Variants in PSG11 observed in about 807,000 individuals in gnomAD.
The protein encoded by PSG11 is pregnancy-specific beta-1-glycoprotein 11.
A neutral mutation model predicts 36.0 loss-of-function variants in PSG11; 42 were observed. The ratio of observed to expected loss-of-function variants is 1.17; its 90% CI spans 0.91 to 1.51. The LOEUF is 1.51. Among genes scored for constraint, PSG11 ranks in the 40% most tolerant of loss-of-function variants. PSG11 has a pLI of 0.00. For missense variants in PSG11, 558 were observed against 403.5 expected (o/e 1.38, Z -3.28); for synonymous variants, 206 against 153.5 (o/e 1.34, Z -2.53).
chr19:43,024,563 C>A (rs1428546610), intron 2 of PSG11, 128 bp downstream of exon 2: 1 of 1,543,056 alleles, frequency 6.5e-7, no homozygotes, highest in Non-Finnish European at 8.9e-7. Flanking sequence ...GCACTAAATG[C>A]CCAAACCCCA....
intron 2 of PSG11, among the ~76,000 whole-genome samples, chr19:43,021,272 T>C (rs904414140): frequency 5.9e-5 from 9 of 151,500 alleles, no homozygotes; most frequent in African/African-American, 2.2e-4. Flanking sequence ...AAATTTCTAT[T>C]GACACATCCT....
At chr19:43,017,099 G>C (rs1184681749) in intron 3 of PSG11, 1 of 151,412 alleles carries the variant, frequency 6.6e-6, no homozygotes, top group South Asian at 2.1e-4. Context: ...TGGGAGTGGG[G>C]AGAATCAGAA....
chr19:43,021,773 G>C (rs1253098469), intron 2 of PSG11, among the ~76,000 whole-genome samples: 1 of 151,464 alleles, frequency 6.6e-6, no homozygotes, highest in African/African-American at 2.4e-5. Context: ...TCTAGGAAGT[G>C]ATCAGAGAAT....
chr19:43,021,316 T>C (rs562108759), intron 2 of PSG11, among the ~76,000 whole-genome samples: 1 of 151,518 alleles, frequency 6.6e-6, no homozygotes, highest in African/African-American at 2.4e-5. Context: ...CTGTGTGCAG[T>C]CTACCAGTAA....
rs1319789275 is a variant in PSG11, at chr19:43,012,022, A to C, written c.965-1981T>G. 1.3e-5 allele frequency among the ~76,000 whole-genome samples: 2 copies of C among 151,432 alleles called. 1 individual carries two copies. The highest frequency in any genetic ancestry group is 1.3e-4 in the Admixed American group (2 of 15,164). On this transcript the variant is annotated intron_variant, in intron 4 of 5. Transcript: ENST00000320078. Reference sequence around the variant, plus strand: ...ATTGGATAACCTAGATGAAATAGACAAACTCCTAGAAACACACAAAAATAT... The same window carrying C: ...ATTGGATAACCTAGATGAAATAGACCAACTCCTAGAAACACACAAAAATAT...
Position 43,024,942 on chromosome 19 carries a change from T to C in PSG11, c.179A>G (p.Gln60Arg), listed in dbSNP as rs1361437024. ...GTACCAGATGTAGCCAGTAAGATTC[T>C]GGGGCAAATTGTGGACAAGTAGAAG... ...DVLLLVHNLPQNLTGYIWYKG... is the reference protein window; with the variant it reads ...DVLLLVHNLPRNLTGYIWYKG... The change falls in exon 2 of 6, where the codon CAG becomes CGG. Residue 60 changes from glutamine to arginine, a missense_variant. Physicochemically the swap from Gln to Arg is conservative, Grantham distance 43 (BLOSUM62 1). Transcript: ENST00000320078. 2.5e-6 allele frequency: 4 copies of C among 1,611,756 alleles called. No homozygotes were observed. The highest frequency in any genetic ancestry group is 3.4e-6 in the Non-Finnish European group (4 of 1,179,088).
chr19:43,023,060 G>A (rs1332005151), intron 2 of PSG11, among the ~76,000 whole-genome samples: 43 of 150,916 alleles, frequency 2.8e-4, no homozygotes, highest in African/African-American at 1.0e-3. Flanking sequence ...TGACTTCAGA[G>A]CCCCCAGGAA....
At chr19:43,011,731 T>A (rs1599668581) in intron 4 of PSG11, among the ~76,000 whole-genome samples, 2 of 150,680 alleles carry the variant, frequency 1.3e-5, no homozygotes, top group African/African-American at 2.4e-5. Context: ...ACAAAAAAAT[T>A]AAAAAGCCAA....
chr19:43,015,386 T>C lies in PSG11; in HGVS notation c.710-16A>G. 6.2e-7 allele frequency: 1 copy of C among 1,603,148 alleles called. No individual in the cohort carries two copies. The highest frequency in any genetic ancestry group is 8.5e-7 in the Non-Finnish European group (1 of 1,174,134). ...TCTGGACCATCTGGAGGAAAGAGAA[T>C]AAAGCCACAGTTGATGTCATCTGAG... On this transcript the variant is annotated splice_polypyrimidine_tract_variant and intron_variant, in intron 3 of 5. Coordinates refer to ENST00000320078, the MANE Select transcript of PSG11 (RefSeq NM_002785.3).
At chr19:43,008,630 A>C (rs1412635782) in intron 5 of PSG11, among the ~76,000 whole-genome samples, 4 of 151,228 alleles carry the variant, frequency 2.6e-5, no homozygotes, top group Admixed American at 2.0e-4. Flanking sequence ...AAGGTTTAGC[A>C]TCACTTATCC....
At chr19:43,017,787 G>T (rs977508250) in intron 3 of PSG11, among the ~76,000 whole-genome samples, 2 of 151,350 alleles carry the variant, frequency 1.3e-5, no homozygotes, top group African/African-American at 4.9e-5. Flanking sequence ...ATTTCTTTCA[G>T]CAATGTTTTG....
At chr19:43,012,503 A>C (rs1192328143) in intron 4 of PSG11, among the ~76,000 whole-genome samples, 2 of 151,440 alleles carry the variant, frequency 1.3e-5, no homozygotes, top group Admixed American at 1.3e-4. Context: ...CTAACCATGA[A>C]CAATCTGAAG....
intron 5 of PSG11, among the ~76,000 whole-genome samples, chr19:43,008,601 C>A (rs1973992029): frequency 6.6e-6 from 1 of 151,090 alleles, no homozygotes; most frequent in African/African-American, 2.4e-5. Flanking sequence ...ATTAACATTC[C>A]CATAAATATT....
In PSG11 at chr19:43,024,886, T is replaced by G. The variant is rs750023952; in HGVS notation, c.235A>C (p.Ile79Leu). The G allele has an allele frequency of 1.2e-6, 2 of 1,611,738 alleles. No individual in the cohort carries two copies. The highest frequency in any genetic ancestry group is 1.1e-5 in the South Asian group (1 of 90,812). The part of the protein sequence containing the change: ...KGQIRDLYHY[I>L]TSYVVDGQII... ...TGACCGTCTACTACATATGATGTAA[T>G]GTAATGGTAGAGGTCCCTGATTTGC... Residue 79 changes from isoleucine (I) to leucine (L), a missense_variant, in exon 2 of 6, where the codon ATT becomes CTT. By Grantham distance (5) the Ile-to-Leu change is conservative. Transcript: ENST00000320078.
At chr19:43,023,732 G>C (rs976210156) in intron 2 of PSG11, among the ~76,000 whole-genome samples, 1 of 151,174 alleles carries the variant, frequency 6.6e-6, no homozygotes, top group African/African-American at 2.4e-5. Context: ...TCCCCTTTGC[G>C]TTTGTGTGAC....
chr19:43,019,416 G>A lies in PSG11; in HGVS notation c.431-368C>T, dbSNP rs185842879. ...AGCATGCAGTGCTGGAATCTTCTTAGTTTCAGTCTTACTTTTCCCCCCAAG... is the reference window on the plus strand; with the variant it reads ...AGCATGCAGTGCTGGAATCTTCTTAATTTCAGTCTTACTTTTCCCCCCAAG... On this transcript the variant is annotated intron_variant, in intron 2 of 5. Coordinates refer to ENST00000320078, the MANE Select transcript of PSG11 (RefSeq NM_002785.3). 29 of 245,210 alleles carry A rather than the reference G, an allele frequency of 1.2e-4. 1 individual carries two copies. In the East Asian group the frequency reaches 2.5e-3, roughly 21 times the overall value. 15.2% of individuals were successfully genotyped at this position (245,210 alleles called of 1,614,324 possible).
chr19:43,015,641 T>G, intron 3 of PSG11: 1 of 1,506,998 alleles, frequency 6.6e-7, no homozygotes, highest in Non-Finnish European at 8.9e-7. Context: ...GGGCAGGGAG[T>G]CATGGCCACC....
At chr19:43,015,520 A>T (rs541426679) in intron 3 of PSG11, 150 bp from the exon 4 acceptor site, 2 of 1,327,934 alleles carry the variant, frequency 1.5e-6, no homozygotes, top group African/African-American at 3.0e-5. Flanking sequence ...TGAAGCCTGA[A>T]GTATTCACCT....
At chr19:43,013,574 A>C (rs11669229) in intron 4 of PSG11, among the ~76,000 whole-genome samples, 67,689 of 150,624 alleles carry the variant, frequency 0.45, 16,658 homozygotes, top group East Asian at 0.89. Context: ...ACCTCACAAA[A>C]TTTAGGATGG....
Sources: gnomAD v4.1 joint callset for allele counts (sites outside exome capture counted in the v4.1 genomes callset) on GRCh38, gnomAD v4.1.1 for gene constraint, MANE v1.5 for transcripts, NCBI Gene and HGNC (gene_info 2026-07-23, HGNC 2026-07-21) for gene names.